Variants in MYO18B observed in about 807,000 individuals in gnomAD.
The protein encoded by MYO18B is myosin XVIIIB, also known as unconventional myosin-XVIIIb.
In MYO18B, 204 loss-of-function variants were observed where a neutral mutation model predicts 273.0. The ratio of observed to expected loss-of-function variants is 0.75; its 90% CI spans 0.67 to 0.84. The LOEUF is 0.84. Ranked by LOEUF, MYO18B falls within the 40% of genes least tolerant of loss-of-function variation. The pLI is 0.00. For missense variants in MYO18B, 3,212 were observed against 3,287.6 expected (o/e 0.98, Z 0.56); for synonymous variants, 1,330 against 1,305.7 (o/e 1.02, Z -0.40).
chr22:25,957,371 G>A (rs942591802), intron 39 of MYO18B, among the ~76,000 whole-genome samples: 1 of 152,142 alleles, frequency 6.6e-6, no homozygotes, highest in Non-Finnish European at 1.5e-5. Flanking sequence ...TTATAGCATA[G>A]TTCCCACATA....
At position 25,843,737 on chromosome 22, in the gene MYO18B, T is replaced by C; in HGVS notation, c.3211T>C (p.Ser1071Pro). The change falls in exon 18 of 44, where the codon TCC (serine) becomes CCC (proline). Residue 1071 changes from serine to proline, a missense_variant and splice_region_variant. Physicochemically the swap from Ser to Pro is moderately conservative, Grantham distance 74. Coordinates refer to ENST00000335473, the MANE Select transcript of MYO18B (RefSeq NM_032608.7). ...CATGCCACCATGTCTGTTTCCAGGGTCCTCTGCCCTGCGGACCTGTGAGCA... is the reference window on the plus strand; with the variant it reads ...CATGCCACCATGTCTGTTTCCAGGGCCCTCTGCCCTGCGGACCTGTGAGCA... ...FEKKGAGTEG[S>P]SALRTCEQPL... is the part of the protein sequence containing the mutation. 6.2e-7 allele frequency: 1 copy of C among 1,612,276 alleles called. No homozygotes were observed. Among genetic ancestry groups the C allele is most frequent in the Non-Finnish European group, 8.5e-7 (1 of 1,178,572 alleles).
At chr22:25,834,183 G>A (rs1395480407) in intron 16 of MYO18B, among the ~76,000 whole-genome samples, 5 of 147,406 alleles carry the variant, frequency 3.4e-5, no homozygotes, top group East Asian at 4.0e-4. Flanking sequence ...GTCTCACTCT[G>A]TCACCCAGGC....
At chr22:26,012,780 C>CT (rs1418025586) in intron 42 of MYO18B, among the ~76,000 whole-genome samples, 8 of 152,288 alleles carry the variant, frequency 5.3e-5, no homozygotes, top group African/African-American at 1.9e-4. Flanking sequence ...TCAGAACATT[C>CT]TTTTAAAATC....
intron 25 of MYO18B, among the ~76,000 whole-genome samples, chr22:25,878,454 A>G (rs1209084369): frequency 6.6e-6 from 1 of 152,238 alleles, no homozygotes; most frequent in African/African-American, 2.4e-5. Flanking sequence ...GCAAACTGGA[A>G]AAGAGTATCC....
Position 25,898,323 on chromosome 22 carries a change from G to A in MYO18B, c.4685G>A (p.Ser1562Asn). 1 of 1,613,726 alleles carries A rather than the reference G, an allele frequency of 6.2e-7. No individual in the cohort carries two copies. The highest frequency in any genetic ancestry group is 8.5e-7 in the Non-Finnish European group (1 of 1,179,788). The change falls in exon 29 of 44, where the codon AGT (serine) becomes AAT (asparagine). Residue 1562 changes from serine (S) to asparagine (N), a missense_variant. By Grantham distance (46) the Ser-to-Asn change is conservative (BLOSUM62 1). Transcript: ENST00000335473. ...CTCTTACAGCTTGGGGAGTTGCAAAGTGCTTATGACGGGGCCAAGAAGATG... is the reference window on the plus strand; with the variant it reads ...CTCTTACAGCTTGGGGAGTTGCAAAATGCTTATGACGGGGCCAAGAAGATG... ...ELEQKLGELQ[S>N]AYDGAKKMAH...
At chr22:25,973,317 C>T (rs185611378) in intron 39 of MYO18B, among the ~76,000 whole-genome samples, 2 of 152,284 alleles carry the variant, frequency 1.3e-5, no homozygotes, top group East Asian at 3.9e-4. Flanking sequence ...CACATCTGCC[C>T]TTCAGGGCTT....
intron 34 of MYO18B, among the ~76,000 whole-genome samples, chr22:25,938,596 ATTT>A (rs1188524969): frequency 8.3e-4 from 126 of 152,340 alleles, no homozygotes; most frequent in African/African-American, 2.6e-3. Context: ...GTGATAATGA[ATTT>A]TAAGTGGCCA....
At chr22:25,955,667 G>A (rs1190828414) in intron 39 of MYO18B, among the ~76,000 whole-genome samples, 1 of 152,160 alleles carries the variant, frequency 6.6e-6, no homozygotes, top group Non-Finnish European at 1.5e-5. Flanking sequence ...CACTCCAATG[G>A]CAGGAAGGCC....
At chr22:25,951,290 T>G (rs949273661) in intron 37 of MYO18B, among the ~76,000 whole-genome samples, 9 of 152,246 alleles carry the variant, frequency 5.9e-5, no homozygotes, top group African/African-American at 2.2e-4. Flanking sequence ...GGGCACTTAC[T>G]TATACTTTGG....
At chr22:25,821,112 G>A (rs899231780) in intron 12 of MYO18B, among the ~76,000 whole-genome samples, 9 of 152,054 alleles carry the variant, frequency 5.9e-5, no homozygotes, top group South Asian at 2.1e-4. Context: ...TCCTGGCTAC[G>A]GTGAATCATG....
rs371692348 is a variant in MYO18B, at chr22:25,868,292, T to C, written c.3886-28T>C. ...TAGGATCCTCCTACCTTCTATGCTG[T>C]CTAACTTCTCTCTAATTTTTTCCCC... On this transcript the variant is annotated intron_variant, in intron 21 of 43. Transcript: ENST00000335473. 837 of 1,577,378 alleles carry C rather than the reference T, an allele frequency of 5.3e-4. 1 individual carries two copies. The highest frequency in any genetic ancestry group is 7.0e-4 in the Non-Finnish European group (808 of 1,159,036).
At chr22:25,895,420 A>T in intron 28 of MYO18B, 140 bp downstream of exon 28, 3 of 952,900 alleles carry the variant, frequency 3.1e-6, no homozygotes, top group Admixed American at 5.6e-5. Flanking sequence ...TTCCATCTCC[A>T]CTATTATTAC....
In MYO18B at chr22:25,855,285, C is replaced by CTTTTT. The variant is rs150338635; in HGVS notation, c.3885+3718_3885+3722dup. ...TTTCTGCAAAGGACGTTATCTCATT[C>CTTTTT]TTTTTTTTTTTTTTTTGAGATGGAG... On this transcript the variant is annotated intron_variant, in intron 21 of 43. Coordinates refer to ENST00000335473, the MANE Select transcript of MYO18B (RefSeq NM_032608.7). Among the ~76,000 whole-genome samples the CTTTTT allele has an allele frequency of 2.4e-3, 322 of 132,308 alleles. 11 individuals carry two copies. Among genetic ancestry groups the CTTTTT allele is most frequent in the East Asian group, 0.01 (47 of 4,478 alleles). 86.8% of individuals were successfully genotyped at this position (132,308 alleles called of 152,430 possible). A position where few individuals can be genotyped will look rare whatever the true frequency, so the allele number is the denominator to read the frequency against.
chr22:25,955,005 G>A lies in MYO18B; in HGVS notation c.5971-174G>A, dbSNP rs116977138. Among the ~76,000 whole-genome samples, 110 of 152,256 alleles carry A rather than the reference G, an allele frequency of 7.2e-4. 1 individual carries two copies. The East Asian group carries it at 0.018, about 25-fold the overall frequency. ...GATTACAGGCTTGAGCACTGCGCCC[G>A]ACCATCATTTTTTGCATGTTGTTAA... On this transcript the variant is annotated intron_variant, in intron 38 of 43. Coordinates refer to ENST00000335473, the MANE Select transcript of MYO18B (RefSeq NM_032608.7).
intron 12 of MYO18B, among the ~76,000 whole-genome samples, chr22:25,821,933 T>C (rs1192815231): frequency 6.6e-6 from 1 of 152,378 alleles, no homozygotes; most frequent in African/African-American, 2.4e-5. Context: ...TTCCCTTTTA[T>C]TACTTTTTAC....
At chr22:25,838,446 C>G (rs569361732) in intron 17 of MYO18B, among the ~76,000 whole-genome samples, 2 of 152,122 alleles carry the variant, frequency 1.3e-5, no homozygotes, top group Non-Finnish European at 2.9e-5. Flanking sequence ...GTGATCCACC[C>G]GCCTCGGCCT....
intron 18 of MYO18B, among the ~76,000 whole-genome samples, chr22:25,844,924 G>A (rs1326686979): frequency 1.3e-5 from 2 of 152,208 alleles, no homozygotes; most frequent in Non-Finnish European, 2.9e-5. Context: ...CCCTCATCTC[G>A]GTTGTTTCTG....
Position 25,768,283 on chromosome 22 carries a change from A to G in MYO18B, c.367A>G (p.Ile123Val). ...RSPDPEQMTS[I>V]NGEKAQELGS... ...CCCCGACCCTGAGCAGATGACAAGCATCAATGGTGAGAAGGCCCAGGAGCT... is the reference window on the plus strand; with the variant it reads ...CCCCGACCCTGAGCAGATGACAAGCGTCAATGGTGAGAAGGCCCAGGAGCT... The change falls in exon 4 of 44, where the codon ATC becomes GTC. Residue 123 changes from isoleucine (I) to valine (V), a missense_variant. Coordinates refer to ENST00000335473, the MANE Select transcript of MYO18B (RefSeq NM_032608.7). 3 of 1,613,974 alleles carry G rather than the reference A, an allele frequency of 1.9e-6. No individual in the cohort carries two copies. Among genetic ancestry groups the G allele is most frequent in the Non-Finnish European group, 1.7e-6 (2 of 1,179,870 alleles).
chr22:26,029,990 C>A (rs1351378359), intron 43 of MYO18B, among the ~76,000 whole-genome samples: 11 of 152,170 alleles, frequency 7.2e-5, no homozygotes, highest in Non-Finnish European at 1.2e-4. Flanking sequence ...ACTCTGCCAT[C>A]CCTTTCTGTG....
Sources: allele counts gnomAD v4.1 joint callset (sites outside exome capture counted in the v4.1 genomes callset), GRCh38; gene constraint gnomAD v4.1.1; transcripts MANE v1.5; gene names NCBI Gene and HGNC (gene_info 2026-07-23, HGNC 2026-07-21).